The following FBXO16 variants were observed in gnomAD, a reference collection of about 807,000 sequenced individuals.
The protein encoded by FBXO16 is F-box protein 16, also known as F-box only protein 16.
A neutral mutation model predicts 41.0 loss-of-function variants in FBXO16; 31 were observed. The ratio of observed to expected loss-of-function variants is 0.76; its 90% confidence interval spans 0.57 to 1.02. The LOEUF is 1.02. Ranked by LOEUF, FBXO16 falls within the 50% of genes least tolerant of loss-of-function variation. The probability of loss-of-function intolerance (pLI) is 0.00; values close to 1 mark genes in which losing one functional copy is unlikely to be tolerated. For missense variants in FBXO16, 361 were observed against 346.2 expected (o/e 1.04, Z -0.34); for synonymous variants, 133 against 117.8 (o/e 1.13, Z -0.84).
chr8:28,462,326 T>G (rs953627594), intron 4 of FBXO16, among the ~76,000 whole-genome samples: 5 of 150,520 alleles, frequency 3.3e-5, no homozygotes, highest in Non-Finnish European at 7.4e-5. Context: ...TCGCTCAGGC[T>G]GGAGTGCAGT....
chr8:28,444,833 G>A (rs1442719470), intron 7 of FBXO16, among the ~76,000 whole-genome samples: 1 of 115,416 alleles, frequency 8.7e-6, no homozygotes, highest in Non-Finnish European at 1.7e-5. Flanking sequence ...GGGTTTCACC[G>A]TATTTGCCAG....
intron 1 of FBXO16, among the ~76,000 whole-genome samples, chr8:28,488,341 G>A (rs1803636176): frequency 7.4e-6 from 1 of 134,840 alleles, no homozygotes; most frequent in Non-Finnish European, 1.5e-5. Context: ...CTGTCACTCA[G>A]GCTGGAGGGC....
chr8:28,486,999 T>C (rs1469555736), intron 1 of FBXO16, among the ~76,000 whole-genome samples: 1 of 152,012 alleles, frequency 6.6e-6, no homozygotes, highest in East Asian at 1.9e-4. Flanking sequence ...TGAACAACTC[T>C]CTCCTTTCCA....
At chr8:28,483,515 G>A in intron 1 of FBXO16, 53 bp from the exon 2 acceptor site, 1 of 1,381,432 alleles carries the variant, frequency 7.2e-7, no homozygotes, top group Non-Finnish European at 1.0e-6. Flanking sequence ...ATAACCCTCA[G>A]AAAACAAAAA....
Position 28,456,984 on chromosome 8 carries a change from A to T in FBXO16, c.343-54T>A, listed in dbSNP as rs113968309. On this transcript the variant is annotated intron_variant, in intron 4 of 8. Transcript: ENST00000380254. ...CCAAATCAAACAACCCCTTCAGTTTACATGCCCACTTTCTCTAGGTTTTGA... is the reference window on the plus strand; with the variant it reads ...CCAAATCAAACAACCCCTTCAGTTTTCATGCCCACTTTCTCTAGGTTTTGA... 56 of 1,561,166 alleles carry T rather than the reference A, an allele frequency of 3.6e-5. No homozygotes were observed. In the African/African-American group the frequency reaches 5.6e-4, roughly 16 times the overall value.
At chr8:28,457,525 T>C (rs933831046) in intron 4 of FBXO16, among the ~76,000 whole-genome samples, 2 of 152,124 alleles carry the variant, frequency 1.3e-5, no homozygotes, top group African/African-American at 4.8e-5. Flanking sequence ...ATGTCTTACA[T>C]GGTGGCAGGC....
chr8:28,482,638 T>C (rs564424464), intron 2 of FBXO16, among the ~76,000 whole-genome samples: 2 of 152,302 alleles, frequency 1.3e-5, no homozygotes, highest in East Asian at 3.9e-4. Flanking sequence ...TGGTGTGATC[T>C]TGGCTCACTG....
At position 28,475,718 on chromosome 8, in the gene FBXO16, G is replaced by T. The variant is rs116833270; in HGVS notation, c.100-1911C>A. ...TCTGTTAATTTTATCTTCCCAAGTAGATTACAACCACTTTCTCTTACATGC... is the reference window on the plus strand; with the variant it reads ...TCTGTTAATTTTATCTTCCCAAGTATATTACAACCACTTTCTCTTACATGC... On this transcript the variant is annotated intron_variant, in intron 2 of 8. Transcript: ENST00000380254. Among the ~76,000 whole-genome samples the T allele has an allele frequency of 4.7e-3, 708 of 152,232 alleles. 5 individuals are homozygous for T. The highest frequency in any genetic ancestry group is 0.015 in the African/African-American group (616 of 41,528).
chr8:28,487,036 T>G (rs760311154), intron 1 of FBXO16, among the ~76,000 whole-genome samples: 1 of 152,052 alleles, frequency 6.6e-6, no homozygotes, highest in Non-Finnish European at 1.5e-5. Flanking sequence ...ATGTGACTGA[T>G]CCTAGGCACA....
intron 7 of FBXO16, among the ~76,000 whole-genome samples, chr8:28,430,927 C>G (rs192860001): frequency 6.6e-6 from 1 of 152,018 alleles, no homozygotes; most frequent in African/African-American, 2.4e-5. Flanking sequence ...AGCAAGACCG[C>G]GCCATTGCAC....
chr8:28,479,000 A>T (rs908324475), intron 2 of FBXO16, among the ~76,000 whole-genome samples: 1 of 150,280 alleles, frequency 6.7e-6, no homozygotes, highest in African/African-American at 2.5e-5. Context: ...CTCCTGTCTC[A>T]CTCTTCCTCC....
chr8:28,474,958 C>T (rs962316153), intron 2 of FBXO16, among the ~76,000 whole-genome samples: 5 of 152,142 alleles, frequency 3.3e-5, no homozygotes, highest in East Asian at 1.9e-4. Context: ...GGAAGACTAA[C>T]GTGGGGACAC....
chr8:28,442,675 C>T (rs1180156980), intron 7 of FBXO16, among the ~76,000 whole-genome samples: 2 of 152,116 alleles, frequency 1.3e-5, no homozygotes, highest in Non-Finnish European at 2.9e-5. Flanking sequence ...TGAGCCACCT[C>T]GCCCAGCCCA....
chr8:28,469,014 A>C (rs77107398), intron 3 of FBXO16, among the ~76,000 whole-genome samples: 2 of 152,136 alleles, frequency 1.3e-5, no homozygotes, highest in South Asian at 4.1e-4. Context: ...TTAAAAAAAA[A>C]TTTTTTTATT....
chr8:28,454,705 G>GCGA (rs1383900812), intron 5 of FBXO16, among the ~76,000 whole-genome samples: 1 of 138,682 alleles, frequency 7.2e-6, no homozygotes, highest in Non-Finnish European at 1.5e-5. Context: ...TCCAGCCTGG[G>GCGA]CGACAGAGCA....
chr8:28,466,628 TAA>T (rs59386196), intron 3 of FBXO16, among the ~76,000 whole-genome samples: 69 of 138,646 alleles, frequency 5.0e-4, no homozygotes, highest in Admixed American at 1.2e-3. Context: ...CATCTCTACT[TAA>T]AAAAAAAAAA....
chr8:28,446,176 C>CTT (rs11421643), intron 7 of FBXO16, among the ~76,000 whole-genome samples: 15,147 of 82,906 alleles, frequency 0.18, 1,776 homozygotes, highest in East Asian at 0.52. Flanking sequence ...TGCATTTTTC[C>CTT]TTTTTTTTTT....
At chr8:28,476,408 A>G (rs1038670482) in intron 2 of FBXO16, among the ~76,000 whole-genome samples, 2 of 152,198 alleles carry the variant, frequency 1.3e-5, no homozygotes, top group African/African-American at 2.4e-5. Flanking sequence ...TTGACAAGAC[A>G]TATCATTTTG....
At chr8:28,466,987 G>C (rs1365247708) in intron 3 of FBXO16, among the ~76,000 whole-genome samples, 1 of 150,546 alleles carries the variant, frequency 6.6e-6, no homozygotes, top group Non-Finnish European at 1.5e-5. Flanking sequence ...TGTGTCGCCA[G>C]GTTGGCGTAC....
Sources: allele counts gnomAD v4.1 joint callset (sites outside exome capture counted in the v4.1 genomes callset), GRCh38; gene constraint gnomAD v4.1.1; transcripts MANE v1.5; gene names NCBI Gene and HGNC (gene_info 2026-07-23, HGNC 2026-07-21).